The following LRP1B variants were observed in gnomAD, a reference collection of about 807,000 sequenced individuals.
The protein encoded by LRP1B is low-density lipoprotein receptor-related protein 1B.
In LRP1B, 217 loss-of-function variants were observed where a neutral mutation model predicts 556.6. That is an observed-to-expected ratio of 0.39 (90% CI 0.35 to 0.44). The LOEUF is 0.44. Ranked by LOEUF, LRP1B falls within the 20% of genes least tolerant of loss-of-function variation. The pLI is 1.00. For synonymous variants in LRP1B, 2,047 were observed against 1,865.8 expected, an observed-to-expected ratio of 1.10 and a Z score of -2.50; for missense variants, 5,053 against 5,620.8, an observed-to-expected ratio of 0.90 and a Z score of 3.23.
chr2:140,316,223 A>C (rs1684514177), intron 82 of LRP1B, among the ~76,000 whole-genome samples: 1 of 152,144 alleles, frequency 6.6e-6, no homozygotes, highest in South Asian at 2.1e-4. Context: ...TCTATTCTAG[A>C]ATATGCCCTT....
intron 2 of LRP1B, among the ~76,000 whole-genome samples, chr2:141,612,008 AG>A (rs1191672700): frequency 1.3e-5 from 2 of 152,222 alleles, no homozygotes; most frequent in African/African-American, 4.8e-5. Flanking sequence ...AAAGTGGATG[AG>A]GAAAGTATGG....
At chr2:140,364,421 C>T (rs1682656625) in intron 72 of LRP1B, among the ~76,000 whole-genome samples, 2 of 151,628 alleles carry the variant, frequency 1.3e-5, no homozygotes, top group South Asian at 4.1e-4. Flanking sequence ...ACCATAATCT[C>T]TCTTCTGAAT....
At chr2:141,546,239 C>CTA (rs1685548385) in intron 2 of LRP1B, among the ~76,000 whole-genome samples, 1 of 152,080 alleles carries the variant, frequency 6.6e-6, no homozygotes, top group African/African-American at 2.4e-5. Flanking sequence ...CTCAGTTAAC[C>CTA]TCACCTTGGC....
chr2:140,262,713 G>A (rs1029325882), intron 86 of LRP1B, among the ~76,000 whole-genome samples: 3 of 152,020 alleles, frequency 2.0e-5, no homozygotes, highest in Non-Finnish European at 2.9e-5. Context: ...CTTCTAAAGG[G>A]GGGGAGTCCC....
At chr2:141,796,696 A>G (rs1310970307) in intron 2 of LRP1B, among the ~76,000 whole-genome samples, 1 of 151,354 alleles carries the variant, frequency 6.6e-6, no homozygotes, top group African/African-American at 2.4e-5. Flanking sequence ...AGAGACAGCT[A>G]TATTATAGGT....
chr2:141,224,528 C>T (rs376768637), intron 6 of LRP1B, among the ~76,000 whole-genome samples: 63 of 152,244 alleles, frequency 4.1e-4, no homozygotes, highest in East Asian at 2.9e-3. Flanking sequence ...AAGATAGATG[C>T]ACGTGTATGT....
intron 56 of LRP1B, among the ~76,000 whole-genome samples, chr2:140,493,801 G>C (rs936882337): frequency 4.6e-5 from 7 of 152,092 alleles, no homozygotes; most frequent in African/African-American, 1.7e-4. Flanking sequence ...AATACCAAAG[G>C]TATGACATTA....
intron 27 of LRP1B, among the ~76,000 whole-genome samples, chr2:140,852,645 T>C (rs1443980556): frequency 1.3e-5 from 2 of 152,176 alleles, no homozygotes; most frequent in East Asian, 1.9e-4. Context: ...ACTTCTTTGT[T>C]ACTTTTTCTG....
chr2:140,816,227 C>G (rs1192818841), intron 31 of LRP1B, among the ~76,000 whole-genome samples: 2 of 151,954 alleles, frequency 1.3e-5, no homozygotes, highest in East Asian at 3.9e-4. Flanking sequence ...AAGCAATTCT[C>G]CTGCCTCAGC....
In LRP1B at chr2:140,700,411, C is replaced by A. The variant is rs1559063107; in HGVS notation, c.6638G>T (p.Arg2213Met). ...GAAATAACGTGGATTCTCATATGGCCTTATTGGGGAATTTAAATTGGTTTC... is the reference window on the plus strand; with the variant it reads ...GAAATAACGTGGATTCTCATATGGCATTATTGGGGAATTTAAATTGGTTTC... ...SDETNLNSPI[R>M]PYENPRYFKN... The change falls in exon 41 of 91, where the codon AGG (arginine) becomes ATG (methionine). Residue 2213 changes from arginine (R) to methionine (M), a missense_variant. This residue lies in a region of LRP1B where 3,619 missense variants were observed against 3,931.9 expected (regional missense o/e 0.92). Coordinates refer to ENST00000389484, the MANE Select transcript of LRP1B (RefSeq NM_018557.3). 6.2e-7 allele frequency: 1 copy of A among 1,613,346 alleles called. No homozygotes were observed. The highest frequency in any genetic ancestry group is 8.5e-7 in the Non-Finnish European group (1 of 1,179,580).
chr2:141,565,544 T>A (rs1277317709), intron 2 of LRP1B, among the ~76,000 whole-genome samples: 3 of 152,182 alleles, frequency 2.0e-5, no homozygotes, highest in Non-Finnish European at 4.4e-5. Context: ...GATTTTATTA[T>A]CATTTTATTG....
rs1248813652 is a variant in LRP1B at position 140,886,288 on chromosome 2, T to G, written c.3814A>C (p.Arg1272=). The change falls in exon 24 of 91, where the codon AGG becomes CGG. Residue 1272 remains arginine, a synonymous_variant. Transcript: ENST00000389484. Reference sequence around the variant, plus strand: ...TAGTCTCTTTTGTGAAGATCAATCCTTCTGATCTCATGACGAATAGAAAAG... The same window carrying G: ...TAGTCTCTTTTGTGAAGATCAATCCGTCTGATCTCATGACGAATAGAAAAG... ...IIFSIRHEIR[R]IDLHKRDYSL... is the part of the protein sequence containing the mutation. 6.2e-7 allele frequency: 1 copy of G among 1,606,902 alleles called. No homozygotes were observed. Among genetic ancestry groups the G allele is most frequent in the Non-Finnish European group, 8.5e-7 (1 of 1,175,722 alleles).
intron 7 of LRP1B, among the ~76,000 whole-genome samples, chr2:141,123,249 AAT>A (rs1197909837): frequency 7.9e-5 from 11 of 140,014 alleles, no homozygotes; most frequent in East Asian, 4.8e-4. Flanking sequence ...AATAAAAAAA[AAT>A]AAATAAATAA....
At chr2:141,391,142 T>A (rs1690036300) in intron 3 of LRP1B, among the ~76,000 whole-genome samples, 1 of 152,218 alleles carries the variant, frequency 6.6e-6, no homozygotes, top group African/African-American at 2.4e-5. Context: ...TATTTTAACT[T>A]GGATAGTCGT....
intron 63 of LRP1B, among the ~76,000 whole-genome samples, chr2:140,447,183 A>G (rs1184695781): frequency 6.6e-6 from 1 of 151,904 alleles, no homozygotes; most frequent in Non-Finnish European, 1.5e-5. Flanking sequence ...TGATGTGAAG[A>G]AAAGAAAACT....
chr2:141,259,107 T>C (rs1684591700), intron 3 of LRP1B, among the ~76,000 whole-genome samples: 1 of 152,212 alleles, frequency 6.6e-6, no homozygotes. Context: ...TCAAGACTTC[T>C]AGGCCATTTG....
intron 2 of LRP1B, among the ~76,000 whole-genome samples, chr2:141,706,338 G>A (rs545149804): frequency 2.0e-5 from 3 of 152,062 alleles, no homozygotes; most frequent in Non-Finnish European, 2.9e-5. Flanking sequence ...AGACAACGAG[G>A]CACAGAAGAG....
At position 141,672,969 on chromosome 2, in the gene LRP1B, C is replaced by T. The variant is rs114261646; in HGVS notation, c.205+137310G>A. Among the ~76,000 whole-genome samples, 211 of 152,268 alleles carry T rather than the reference C, an allele frequency of 1.4e-3. 1 individual carries two copies. Among genetic ancestry groups the T allele is most frequent in the African/African-American group, 4.9e-3 (203 of 41,566 alleles). Reference sequence around the variant, plus strand: ...CAAGCCCTGGTTTTACAGACTTGTACTCAGAAGTCTCCTATGGGTATCATT... The same window carrying T: ...CAAGCCCTGGTTTTACAGACTTGTATTCAGAAGTCTCCTATGGGTATCATT... On this transcript the variant is annotated intron_variant, in intron 2 of 90. Coordinates refer to ENST00000389484, the MANE Select transcript of LRP1B (RefSeq NM_018557.3).
intron 3 of LRP1B, among the ~76,000 whole-genome samples, chr2:141,326,197 G>A (rs955022580): frequency 6.6e-6 from 1 of 152,100 alleles, no homozygotes; most frequent in Admixed American, 6.6e-5. Flanking sequence ...ACATGTGCTT[G>A]TCAAGAATGG....
Sources: gnomAD v4.1 joint callset for allele counts (sites outside exome capture counted in the v4.1 genomes callset) on GRCh38, gnomAD v4.1.1 for gene constraint, gnomAD v4.1.1 regional missense constraint, MANE v1.5 for transcripts, NCBI Gene and HGNC (gene_info 2026-07-23, HGNC 2026-07-21) for gene names.